Variants in OPCML observed in about 807,000 individuals in gnomAD.
OPCML encodes opioid binding protein/cell adhesion molecule like, also known as opioid-binding protein/cell adhesion molecule.
OPCML carries 13 observed loss-of-function variants against 37.8 expected under a neutral mutation model. The observed-to-expected ratio is 0.34, with a 90% CI of 0.22 to 0.55. The LOEUF is 0.55. Ranked by LOEUF, OPCML falls within the 20% of genes least tolerant of loss-of-function variation. OPCML has a pLI of 0.91. For missense variants in OPCML, 341 were observed against 435.6 expected (o/e 0.78, Z 1.93); for synonymous variants, 176 against 168.8 (o/e 1.04, Z -0.33).
At chr11:133,527,099 C>CA (rs1368037212) in intron 1 of OPCML, among the ~76,000 whole-genome samples, 1 of 152,242 alleles carries the variant, frequency 6.6e-6, no homozygotes, top group Admixed American at 6.5e-5. Context: ...AACAGGGCTG[C>CA]AGGCTGATGG....
chr11:133,130,744 G>A (rs377368863), intron 1 of OPCML, among the ~76,000 whole-genome samples: 1 of 152,048 alleles, frequency 6.6e-6, no homozygotes, highest in Non-Finnish European at 1.5e-5. Context: ...ACAGACAAAC[G>A]GATCAATGTA....
chr11:133,405,708 G>A, intron 1 of OPCML, among the ~76,000 whole-genome samples: 1 of 149,772 alleles, frequency 6.7e-6, no homozygotes, highest in East Asian at 2.0e-4. Context: ...AGGGACAACA[G>A]CATCTGATAT....
chr11:132,900,914 C>T (rs563223482), intron 2 of OPCML, among the ~76,000 whole-genome samples: 159 of 152,280 alleles, frequency 1.0e-3, no homozygotes, highest in African/African-American at 3.2e-3. Flanking sequence ...TCTCCGGGGC[C>T]GGGTGCAGTG....
At chr11:132,501,980 A>G (rs1367158126) in intron 4 of OPCML, among the ~76,000 whole-genome samples, 1 of 152,234 alleles carries the variant, frequency 6.6e-6, no homozygotes, top group Non-Finnish European at 1.5e-5. Flanking sequence ...AAGAGAGGAT[A>G]TGGGGCACAC....
intron 1 of OPCML, among the ~76,000 whole-genome samples, chr11:133,402,014 G>A (rs1186593772): frequency 3.3e-5 from 5 of 152,146 alleles, no homozygotes; most frequent in African/African-American, 1.2e-4. Flanking sequence ...TCTCCATGAA[G>A]ATATAAAAAG....
At position 132,744,735 on chromosome 11, in the gene OPCML, C is replaced by T. The variant is rs143705206; in HGVS notation, c.147-87416G>A. On this transcript the variant is annotated intron_variant, in intron 2 of 7. Transcript: ENST00000524381. ...GTAAGAACCCAAGACAATATATAAG[C>T]ATGTGCAAAGTAATACAGTACAAAG... 2.0e-3 allele frequency among the ~76,000 whole-genome samples: 301 copies of T among 152,318 alleles called. 1 individual carries two copies. Among genetic ancestry groups the T allele is most frequent in the African/African-American group, 7.0e-3 (292 of 41,570 alleles).
At chr11:133,345,924 T>C (rs1443304007) in intron 1 of OPCML, among the ~76,000 whole-genome samples, 1 of 152,192 alleles carries the variant, frequency 6.6e-6, no homozygotes, top group East Asian at 1.9e-4. Flanking sequence ...TTTCGTCTAA[T>C]CAATAGAACC....
At chr11:132,528,954 T>C (rs2096316099) in intron 4 of OPCML, 107 bp downstream of exon 4, 1 of 650,848 alleles carries the variant, frequency 1.5e-6, no homozygotes, top group Non-Finnish European at 2.7e-6. Flanking sequence ...TTTGATTTTC[T>C]ATGACTGGAT....
Position 132,606,406 on chromosome 11 carries a change from G to A in OPCML, c.379+50681C>T, listed in dbSNP as rs138676472. On this transcript the variant is annotated intron_variant, in intron 3 of 7. Coordinates refer to ENST00000524381, the MANE Select transcript of OPCML (RefSeq NM_001012393.5). ...GACTTCCTTGACCTCTGCCCTGCTCGTCTTAGACCTCCGCTGCCTGATTCC... is the reference window on the plus strand; with the variant it reads ...GACTTCCTTGACCTCTGCCCTGCTCATCTTAGACCTCCGCTGCCTGATTCC... 4.2e-4 allele frequency among the ~76,000 whole-genome samples: 64 copies of A among 152,224 alleles called. No homozygotes were observed. The Middle Eastern group carries it at 0.01, about 24-fold the overall frequency.
chr11:132,744,528 A>G (rs1945548503), intron 2 of OPCML, among the ~76,000 whole-genome samples: 1 of 152,212 alleles, frequency 6.6e-6, no homozygotes, highest in South Asian at 2.1e-4. Flanking sequence ...GTAAGCATTG[A>G]TACAGAGAGC....
At chr11:132,769,709 G>A (rs1184164237) in intron 2 of OPCML, among the ~76,000 whole-genome samples, 4 of 152,046 alleles carry the variant, frequency 2.6e-5, no homozygotes, top group Non-Finnish European at 4.4e-5. Context: ...GGAGACTCGC[G>A]CACCCACACC....
intron 1 of OPCML, among the ~76,000 whole-genome samples, chr11:133,380,483 A>T (rs1350893951): frequency 6.6e-6 from 1 of 152,196 alleles, no homozygotes; most frequent in Non-Finnish European, 1.5e-5. Flanking sequence ...CCTAACGAGG[A>T]ATACTTGAAA....
chr11:133,423,135 C>T, intron 1 of OPCML: 28 of 985,394 alleles, frequency 2.8e-5, no homozygotes, highest in Non-Finnish European at 3.4e-5. Context: ...GATCTTATAA[C>T]CATTCATCCT....
At chr11:132,560,277 T>C (rs1017817820) in intron 3 of OPCML, among the ~76,000 whole-genome samples, 6 of 152,350 alleles carry the variant, frequency 3.9e-5, no homozygotes, top group African/African-American at 1.4e-4. Context: ...CTCACAGTTA[T>C]ATCAAATTCT....
chr11:132,824,363 T>C (rs2136258563), intron 2 of OPCML, among the ~76,000 whole-genome samples: 1 of 152,304 alleles, frequency 6.6e-6, no homozygotes, highest in South Asian at 2.1e-4. Flanking sequence ...AACGTGCACC[T>C]AGAATCTCTC....
intron 1 of OPCML, among the ~76,000 whole-genome samples, chr11:133,377,008 A>G (rs896334828): frequency 6.6e-6 from 1 of 152,146 alleles, no homozygotes; most frequent in African/African-American, 2.4e-5. Flanking sequence ...AAAAGAGATG[A>G]ACGGCGACAA....
chr11:132,820,061 CTGAATGAATGAATGAA>C lies in OPCML; in HGVS notation c.146+122849_146+122864del, dbSNP rs35080742. On this transcript the variant is annotated intron_variant, in intron 2 of 7. Transcript: ENST00000524381. Reference sequence around the variant, plus strand: ...ACATATAGCCTTAACACAGCAAAAACTGAATGAATGAATGAATGAATGAATGAATGAATGAATGAAT... The same window carrying C: ...ACATATAGCCTTAACACAGCAAAAACTGAATGAATGAATGAATGAATGAAT... 1.3e-3 allele frequency among the ~76,000 whole-genome samples: 96 copies of C among 74,012 alleles called. 3 individuals are homozygous for C. In the South Asian group the frequency reaches 0.028, roughly 22 times the overall value. 48.6% of individuals were successfully genotyped at this position (74,012 alleles called of 152,430 possible).
At chr11:132,837,588 G>A (rs920908606) in intron 2 of OPCML, among the ~76,000 whole-genome samples, 4 of 152,194 alleles carry the variant, frequency 2.6e-5, no homozygotes, top group Admixed American at 6.5e-5. Context: ...TAACAAACCA[G>A]AGAAAGAAAA....
chr11:132,780,300 T>C (rs1023682469), intron 2 of OPCML, among the ~76,000 whole-genome samples: 63 of 152,300 alleles, frequency 4.1e-4, no homozygotes, highest in African/African-American at 1.4e-3. Flanking sequence ...CTGGTTCCAA[T>C]GAATGTGAGG....
Sources: allele counts gnomAD v4.1 joint callset (sites outside exome capture counted in the v4.1 genomes callset), GRCh38; gene constraint gnomAD v4.1.1; transcripts MANE v1.5; gene names NCBI Gene and HGNC (gene_info 2026-07-23, HGNC 2026-07-21).